Variants in CDH18 observed in about 807,000 individuals in gnomAD.
The protein encoded by CDH18 is cadherin-18.
In CDH18, 31 loss-of-function variants were observed where a neutral mutation model predicts 67.9. The observed-to-expected ratio is 0.46, with a 90% CI of 0.34 to 0.62. The LOEUF is 0.62. Ranked by LOEUF, CDH18 falls within the 20% of genes least tolerant of loss-of-function variation. CDH18 has a pLI of 0.01. For missense variants in CDH18, 890 were observed against 975.5 expected (o/e 0.91, Z 1.17); for synonymous variants, 362 against 347.2 (o/e 1.04, Z -0.48).
In CDH18 at chr5:19,849,090, T is replaced by C. The variant is rs557766920; in HGVS notation, c.-256-9848A>G. On this transcript the variant is annotated intron_variant, in intron 2 of 12. Coordinates refer to ENST00000382275, the MANE Select transcript of CDH18 (RefSeq NM_004934.5). Reference sequence around the variant, plus strand: ...AGGAAGTAACAAATAAATCTACTATTTACAAATAAATAGCTCTGTCTTCAA... The same window carrying C: ...AGGAAGTAACAAATAAATCTACTATCTACAAATAAATAGCTCTGTCTTCAA... Among the ~76,000 whole-genome samples, 4 of 152,082 alleles carry C rather than the reference T, an allele frequency of 2.6e-5. No individual in the cohort carries two copies. In the East Asian group the frequency reaches 7.8e-4, roughly 29 times the overall value.
chr5:19,937,723 G>A (rs1195249072), intron 2 of CDH18, among the ~76,000 whole-genome samples: 5 of 150,028 alleles, frequency 3.3e-5, no homozygotes. Context: ...TTTCAAAGAG[G>A]GCTTGAGAGA....
intron 5 of CDH18, among the ~76,000 whole-genome samples, chr5:19,646,689 A>G (rs1318217903): frequency 6.6e-6 from 1 of 152,186 alleles, no homozygotes; most frequent in Non-Finnish European, 1.5e-5. Flanking sequence ...CAGAATCAAC[A>G]CTGAAAAATC....
chr5:19,765,457 T>C (rs959658855), intron 3 of CDH18, among the ~76,000 whole-genome samples: 1 of 152,134 alleles, frequency 6.6e-6, no homozygotes, highest in Non-Finnish European at 1.5e-5. Flanking sequence ...GGATTTCTCA[T>C]CACATTTTTT....
At chr5:19,822,151 A>C (rs1036187868) in intron 3 of CDH18, among the ~76,000 whole-genome samples, 16 of 152,212 alleles carry the variant, frequency 1.1e-4, no homozygotes, top group Non-Finnish European at 1.0e-4. Context: ...TGCTCTAAAC[A>C]CTCTCACTTA....
At chr5:20,515,012 TA>T (rs945182120) in intron 1 of CDH18, among the ~76,000 whole-genome samples, 36 of 150,172 alleles carry the variant, frequency 2.4e-4, no homozygotes, top group Admixed American at 1.9e-3. Context: ...GAGTAAAAAT[TA>T]AAAAAAAACA....
intron 1 of CDH18, chr5:20,305,469 G>A: frequency 7.4e-7 from 1 of 1,345,016 alleles, no homozygotes; most frequent in South Asian, 1.2e-5. Context: ...CTCCTCAGCG[G>A]CCGCCGCTGC....
intron 5 of CDH18, among the ~76,000 whole-genome samples, chr5:19,666,242 T>G (rs1265581990): frequency 9.9e-6 from 1 of 100,652 alleles, no homozygotes; most frequent in African/African-American, 7.5e-5. Flanking sequence ...TGATTTTTAT[T>G]ATTATTATTA....
chr5:20,024,125 CTG>C (rs1738681892), intron 2 of CDH18, among the ~76,000 whole-genome samples: 1 of 152,220 alleles, frequency 6.6e-6, no homozygotes, highest in Admixed American at 6.5e-5. Flanking sequence ...CATCATAAAA[CTG>C]TTATTTACTT....
At chr5:20,067,626 C>T (rs1184193823) in intron 2 of CDH18, among the ~76,000 whole-genome samples, 3 of 152,018 alleles carry the variant, frequency 2.0e-5, no homozygotes, top group Non-Finnish European at 4.4e-5. Context: ...CGAATTCAGA[C>T]TCACAGTGTA....
chr5:20,093,657 A>C (rs1373781111), intron 2 of CDH18, among the ~76,000 whole-genome samples: 1 of 152,202 alleles, frequency 6.6e-6, no homozygotes, highest in East Asian at 1.9e-4. Flanking sequence ...AATAAATAAA[A>C]TACCTGATTG....
At chr5:20,175,823 T>A (rs1737187686) in intron 2 of CDH18, among the ~76,000 whole-genome samples, 1 of 152,056 alleles carries the variant, frequency 6.6e-6, no homozygotes, top group Non-Finnish European at 1.5e-5. Flanking sequence ...CCACCCAGAA[T>A]AAGGGTGGGT....
At position 19,763,992 on chromosome 5, in the gene CDH18, TACAA is replaced by T. The variant is rs1169974877; in HGVS notation, c.229-16760_229-16757del. Among the ~76,000 whole-genome samples the T allele has an allele frequency of 8.4e-3, 155 of 18,506 alleles. 1 individual carries two copies. Among genetic ancestry groups the T allele is most frequent in the African/African-American group, 0.026 (149 of 5,678 alleles). The allele number at this position is 18,506 out of a possible 152,430, so 12.1% of individuals were successfully genotyped here. On this transcript the variant is annotated intron_variant, in intron 3 of 12. Coordinates refer to ENST00000382275, the MANE Select transcript of CDH18 (RefSeq NM_004934.5). The stretch of plus-strand genomic sequence containing the variant: ...GATGAAACCTCGTCTCTACTAAAAA[TACAA>T]AAAAAAAAAAAAAAAAAAAAAATTA...
intron 3 of CDH18, among the ~76,000 whole-genome samples, chr5:19,765,881 AT>A (rs59404348): frequency 7.4e-5 from 11 of 148,870 alleles, no homozygotes; most frequent in African/African-American, 2.7e-4. Flanking sequence ...TTCAAAAAAC[AT>A]TTTTTTTTTT....
chr5:19,711,613 A>G (rs1004563124), intron 5 of CDH18, among the ~76,000 whole-genome samples: 2 of 150,988 alleles, frequency 1.3e-5, no homozygotes, highest in Admixed American at 1.3e-4. Context: ...CAATGGAATA[A>G]CAGCTTACAC....
At chr5:20,240,834 A>G (rs1233523039) in intron 2 of CDH18, among the ~76,000 whole-genome samples, 1 of 151,896 alleles carries the variant, frequency 6.6e-6, no homozygotes, top group African/African-American at 2.4e-5. Context: ...TTTGGGTGGG[A>G]AAAAAAAGAA....
At chr5:20,459,144 A>AAAAAC (rs1367271235) in intron 1 of CDH18, among the ~76,000 whole-genome samples, 1 of 152,150 alleles carries the variant, frequency 6.6e-6, no homozygotes, top group Non-Finnish European at 1.5e-5. Flanking sequence ...TGCTTTTGAG[A>AAAAAC]AAAACAAAAC....
At chr5:19,713,592 G>C (rs1764981158) in intron 5 of CDH18, among the ~76,000 whole-genome samples, 1 of 152,064 alleles carries the variant, frequency 6.6e-6, no homozygotes, top group South Asian at 2.1e-4. Context: ...ATGTCAAAAG[G>C]ACACTATGAT....
At chr5:19,670,935 A>G (rs1056704805) in intron 5 of CDH18, among the ~76,000 whole-genome samples, 1 of 152,158 alleles carries the variant, frequency 6.6e-6, no homozygotes, top group Non-Finnish European at 1.5e-5. Flanking sequence ...TTGTGGCTAA[A>G]CCAAATGTAT....
At chr5:20,574,408 G>C (rs552197192) in intron 1 of CDH18, among the ~76,000 whole-genome samples, 7 of 151,820 alleles carry the variant, frequency 4.6e-5, no homozygotes, top group Non-Finnish European at 1.0e-4. Context: ...TCTTTGATTA[G>C]AAGAGTGACT....
Sources: allele counts gnomAD v4.1 joint callset (sites outside exome capture counted in the v4.1 genomes callset), GRCh38; gene constraint gnomAD v4.1.1; transcripts MANE v1.5; gene names NCBI Gene and HGNC (gene_info 2026-07-23, HGNC 2026-07-21).